WDFY3: variants seen among roughly 807,000 people sequenced by gnomAD.
The protein encoded by WDFY3 is WD repeat and FYVE domain-containing protein 3.
A neutral mutation model predicts 409.6 loss-of-function variants in WDFY3; 66 were observed. The observed-to-expected ratio is 0.16, with a 90% confidence interval of 0.13 to 0.20. The LOEUF is 0.20. Among genes scored for constraint, WDFY3 ranks in the 10% least tolerant of loss-of-function variants. WDFY3 has a pLI of 1.00. For synonymous variants in WDFY3, 1,521 were observed against 1,537.1 expected, an observed-to-expected ratio of 0.99 and a Z score of 0.25; for missense variants, 3,031 against 4,298.1, an observed-to-expected ratio of 0.71 and a Z score of 8.24.
At chr4:84,758,353 C>T (rs1741816761) in intron 32 of WDFY3, among the ~76,000 whole-genome samples, 2 of 152,124 alleles carry the variant, frequency 1.3e-5, no homozygotes, top group Non-Finnish European at 2.9e-5. Context: ...TCAAAGGATC[C>T]TCCCGCCTCA....
chr4:84,672,921 A>G lies in WDFY3; in HGVS notation c.10528T>C (p.Tyr3510His). ...SSPVRVCQNC[Y>H]YNLQHERGSE... is the part of the protein sequence containing the mutation. ...CCTCTCTCATGCTGTAAGTTATAAT[A>G]ACAGTTCTGACAAACACGCACCGGG... Residue 3510 changes from tyrosine (Y) to histidine (H), a missense_variant, in exon 68 of 68, where the codon TAT becomes CAT. By Grantham distance (83) the Tyr-to-His change is moderately conservative (BLOSUM62 2). Coordinates refer to ENST00000295888, the MANE Select transcript of WDFY3 (RefSeq NM_014991.6). 6.2e-7 allele frequency: 1 copy of G among 1,614,156 alleles called. No homozygotes were observed. Among genetic ancestry groups the G allele is most frequent in the Non-Finnish European group, 8.5e-7 (1 of 1,180,020 alleles).
intron 2 of WDFY3, among the ~76,000 whole-genome samples, chr4:84,931,075 A>T (rs1208301989): frequency 6.6e-6 from 1 of 152,190 alleles, no homozygotes; most frequent in Admixed American, 6.5e-5. Context: ...ACAGGCAAGT[A>T]TGTATAGAAA....
rs758791505 is a variant in WDFY3 at position 84,809,820 on chromosome 4, C to T, written c.2345+67G>A. 10 of 1,387,646 alleles carry T rather than the reference C, an allele frequency of 7.2e-6. No homozygotes were observed. The Admixed American group carries it at 1.5e-4, about 21-fold the overall frequency. 86.0% of individuals were successfully genotyped at this position (1,387,646 alleles called of 1,614,324 possible). On this transcript the variant is annotated intron_variant, in intron 14 of 67. Transcript: ENST00000295888. ...TATTCTTTTGGATTAACTCATAATTCAAGTCTTAATGTTGAAGTCATGCTT... is the reference window on the plus strand; with the variant it reads ...TATTCTTTTGGATTAACTCATAATTTAAGTCTTAATGTTGAAGTCATGCTT...
In WDFY3 at chr4:84,849,960, T is replaced by C. The variant is rs754023071; in HGVS notation, c.246A>G (p.Thr82=). The C allele has an allele frequency of 3.1e-6, 5 of 1,611,238 alleles. No individual in the cohort carries two copies. Among genetic ancestry groups the C allele is most frequent in the Non-Finnish European group, 4.2e-6 (5 of 1,179,092 alleles). The change falls in exon 5 of 68, where the codon ACA becomes ACG. Residue 82 remains threonine, a synonymous_variant. Coordinates refer to ENST00000295888, the MANE Select transcript of WDFY3 (RefSeq NM_014991.6). The part of the protein sequence containing the change: ...EKFSDLLQFT[T]QVSRLMVTEI... ...CTGTCACCATTAGTCGTGAGACTTG[T>C]GTTGTGAACTGCAGAAGATCAGAAA...
At chr4:84,948,788 C>G (rs187718872) in intron 1 of WDFY3, among the ~76,000 whole-genome samples, 1 of 152,256 alleles carries the variant, frequency 6.6e-6, no homozygotes, top group East Asian at 1.9e-4. Flanking sequence ...CTTTTCTCTT[C>G]CTAGGACTGA....
intron 35 of WDFY3, 116 bp from the exon 36 acceptor site, chr4:84,751,832 G>T: frequency 1.8e-6 from 2 of 1,087,394 alleles, no homozygotes; most frequent in Non-Finnish European, 2.7e-6. Context: ...AAGCTATTCA[G>T]CACATTATTT....
chr4:84,715,501 G>A (rs988243725), intron 49 of WDFY3, 118 bp from the exon 50 acceptor site: 22 of 590,050 alleles, frequency 3.7e-5, no homozygotes, highest in Admixed American at 1.7e-4. Flanking sequence ...GCGGCCGGGC[G>A]CGGTGGCTCA....
chr4:84,946,877 G>A (rs1397083947), intron 1 of WDFY3, among the ~76,000 whole-genome samples: 1 of 151,170 alleles, frequency 6.6e-6, no homozygotes, highest in Non-Finnish European at 1.5e-5. Flanking sequence ...CGTGATCTCC[G>A]CTCACTGCAA....
chr4:84,730,170 AT>A (rs1419292309), intron 44 of WDFY3, among the ~76,000 whole-genome samples: 1 of 152,090 alleles, frequency 6.6e-6, no homozygotes, highest in Admixed American at 6.5e-5. Context: ...TATATTCATA[AT>A]TTTTACTCTT....
At position 84,799,640 on chromosome 4, in the gene WDFY3, T is replaced by G. The variant is rs186825940; in HGVS notation, c.2823-1532A>C. Among the ~76,000 whole-genome samples the G allele has an allele frequency of 2.0e-4, 30 of 152,294 alleles. No individual in the cohort carries two copies. The East Asian group carries it at 4.6e-3, about 24-fold the overall frequency. Reference sequence around the variant, plus strand: ...TGTATTCTTTACTAGACGATACATTTTTTAAGAGCATAAACCCTCCATAAC... The same window carrying G: ...TGTATTCTTTACTAGACGATACATTGTTTAAGAGCATAAACCCTCCATAAC... On this transcript the variant is annotated intron_variant, in intron 17 of 67. Coordinates refer to ENST00000295888, the MANE Select transcript of WDFY3 (RefSeq NM_014991.6).
At chr4:84,728,924 C>T (rs968872745) in intron 44 of WDFY3, among the ~76,000 whole-genome samples, 4 of 151,942 alleles carry the variant, frequency 2.6e-5, no homozygotes, top group African/African-American at 9.7e-5. Context: ...TGTTATAGTC[C>T]TTTTACTTCA....
Position 84,789,923 on chromosome 4 carries a change from G to C in WDFY3, c.3488-16C>G. The C allele has an allele frequency of 6.2e-7, 1 of 1,612,760 alleles. No individual in the cohort carries two copies. The highest frequency in any genetic ancestry group is 8.5e-7 in the Non-Finnish European group (1 of 1,179,328). ...AAATCATCAACTGAAATAAAGGGGG[G>C]AAGACATAAAAACTTTTTCCAACAC... On this transcript the variant is annotated splice_polypyrimidine_tract_variant and intron_variant, in intron 21 of 67. Coordinates refer to ENST00000295888, the MANE Select transcript of WDFY3 (RefSeq NM_014991.6).
intron 32 of WDFY3, among the ~76,000 whole-genome samples, chr4:84,759,788 C>T (rs1386506279): frequency 4.6e-5 from 7 of 151,828 alleles, no homozygotes; most frequent in Non-Finnish European, 7.4e-5. Flanking sequence ...TAATTGAATA[C>T]CTTTATTTCC....
chr4:84,715,244 C>T (rs1733658639), intron 50 of WDFY3, 54 bp downstream of exon 50: 6 of 964,630 alleles, frequency 6.2e-6, no homozygotes, highest in Non-Finnish European at 9.4e-6. Flanking sequence ...AGAAAAGATT[C>T]CCCCTCCCAT....
In WDFY3 at chr4:84,670,868, A is replaced by ATGGGGGAGGGAGAGTG. The variant is rs2148679995; in HGVS notation, c.*1984_*1999dup. The ATGGGGGAGGGAGAGTG allele has an allele frequency of 6.6e-6, 1 of 152,594 alleles. No individual in the cohort carries two copies. The highest frequency in any genetic ancestry group is 1.5e-5 in the Non-Finnish European group (1 of 68,036). The allele number at this position is 152,594 out of a possible 1,614,324, so 9.5% of individuals were successfully genotyped here. On this transcript the variant is annotated 3_prime_UTR_variant, in exon 68 of 68. Coordinates refer to ENST00000295888, the MANE Select transcript of WDFY3 (RefSeq NM_014991.6). Reference sequence around the variant, plus strand: ...TTATTTATTAGAATTGAAGATGGTGATGGGGGAGGGAGAGTGTGGGGGGAG... The same window carrying ATGGGGGAGGGAGAGTG: ...TTATTTATTAGAATTGAAGATGGTGATGGGGGAGGGAGAGTGTGGGGGAGGGAGAGTGTGGGGGGAG...
chr4:84,910,362 C>T (rs1176163532), intron 2 of WDFY3, among the ~76,000 whole-genome samples: 1 of 151,780 alleles, frequency 6.6e-6, no homozygotes, highest in African/African-American at 2.4e-5. Context: ...TAAAGGCACA[C>T]ATTAATGGTA....
chr4:84,947,686 C>T (rs925642356), intron 1 of WDFY3, among the ~76,000 whole-genome samples: 4 of 126,280 alleles, frequency 3.2e-5, no homozygotes, highest in Non-Finnish European at 6.4e-5. Flanking sequence ...GCCTGAGCAA[C>T]ATATCAAAAA....
At chr4:84,930,790 C>G (rs1770667102) in intron 2 of WDFY3, among the ~76,000 whole-genome samples, 1 of 152,144 alleles carries the variant, frequency 6.6e-6, no homozygotes, top group Non-Finnish European at 1.5e-5. Context: ...TTAAAAGGAT[C>G]AGAAGTTTTA....
intron 2 of WDFY3, among the ~76,000 whole-genome samples, chr4:84,928,985 G>A (rs1201634421): frequency 6.6e-6 from 1 of 152,096 alleles, no homozygotes; most frequent in Non-Finnish European, 1.5e-5. Flanking sequence ...AATGTGGGCT[G>A]GACCTAGTGA....
Sources: allele counts gnomAD v4.1 joint callset (sites outside exome capture counted in the v4.1 genomes callset), GRCh38; gene constraint gnomAD v4.1.1; transcripts MANE v1.5; gene names NCBI Gene and HGNC (gene_info 2026-07-23, HGNC 2026-07-21).